NEGR1: variants seen among roughly 807,000 people sequenced by gnomAD.
The protein encoded by NEGR1 is IgLON family member 4.
In NEGR1, 10 loss-of-function variants were observed where a neutral mutation model predicts 40.9. The ratio of observed to expected loss-of-function variants is 0.24; its 90% CI spans 0.15 to 0.42. The LOEUF is 0.42. NEGR1 is among the 10% of genes least tolerant of loss of function. The probability of loss-of-function intolerance (pLI) is 1.00; values close to 1 mark genes in which losing one functional copy is unlikely to be tolerated. For missense variants in NEGR1, 352 were observed against 438.9 expected, an observed-to-expected ratio of 0.80 and a Z score of 1.77; for synonymous variants, 185 against 166.8, an observed-to-expected ratio of 1.11 and a Z score of -0.84.
chr1:71,812,969 G>A (rs575694066), intron 2 of NEGR1, among the ~76,000 whole-genome samples: 7 of 152,048 alleles, frequency 4.6e-5, no homozygotes, highest in African/African-American at 1.2e-4. Context: ...TGCTTTTGTC[G>A]CAATTGCTTT....
At chr1:72,274,907 A>G (rs1655985235) in intron 1 of NEGR1, 3 of 1,591,152 alleles carry the variant, frequency 1.9e-6, no homozygotes, top group Non-Finnish European at 2.6e-6. Flanking sequence ...AACCAAGTCA[A>G]TCGAAAGTCA....
chr1:71,708,702 CA>C (rs1653983275), intron 3 of NEGR1, among the ~76,000 whole-genome samples: 1 of 152,020 alleles, frequency 6.6e-6, no homozygotes, highest in South Asian at 2.1e-4. Flanking sequence ...ATCCCATCAC[CA>C]CATATTAAGC....
At chr1:72,222,080 C>T (rs545376389) in intron 1 of NEGR1, among the ~76,000 whole-genome samples, 1 of 151,990 alleles carries the variant, frequency 6.6e-6, no homozygotes, top group Non-Finnish European at 1.5e-5. Flanking sequence ...ACAGGCTGGC[C>T]CCTGTAGACA....
chr1:71,829,464 A>G (rs1293585001), intron 2 of NEGR1, among the ~76,000 whole-genome samples: 1 of 151,982 alleles, frequency 6.6e-6, no homozygotes, highest in Middle Eastern at 3.4e-3. Flanking sequence ...GTTCTGATAT[A>G]TAATCAGAGC....
chr1:71,785,713 G>C (rs188569709), intron 2 of NEGR1, among the ~76,000 whole-genome samples: 362 of 152,272 alleles, frequency 2.4e-3, no homozygotes, highest in African/African-American at 8.3e-3. Context: ...AAACAGCCCA[G>C]CTGTGTCAAA....
At chr1:71,505,754 C>T (rs1221810108) in intron 6 of NEGR1, among the ~76,000 whole-genome samples, 2 of 152,180 alleles carry the variant, frequency 1.3e-5, no homozygotes, top group African/African-American at 4.8e-5. Flanking sequence ...GACTGTGCTG[C>T]CACAAGGTTT....
At chr1:71,788,849 C>G (rs1657006484) in intron 2 of NEGR1, among the ~76,000 whole-genome samples, 1 of 151,968 alleles carries the variant, frequency 6.6e-6, no homozygotes, top group African/African-American at 2.4e-5. Context: ...TTGCTATGCA[C>G]TAGGGACTGA....
chr1:71,466,403 A>G (rs1174029236), intron 6 of NEGR1, among the ~76,000 whole-genome samples: 1 of 152,066 alleles, frequency 6.6e-6, no homozygotes, highest in Non-Finnish European at 1.5e-5. Flanking sequence ...AACACTCCCA[A>G]ATCCCTGACC....
At chr1:71,512,971 A>T (rs2101418687) in intron 6 of NEGR1, among the ~76,000 whole-genome samples, 1 of 152,302 alleles carries the variant, frequency 6.6e-6, no homozygotes, top group African/African-American at 2.4e-5. Context: ...TTATCAAGAA[A>T]CTAACAGTTT....
chr1:71,680,182 G>A (rs1365755021), intron 4 of NEGR1, among the ~76,000 whole-genome samples: 2 of 151,870 alleles, frequency 1.3e-5, no homozygotes, highest in African/African-American at 4.8e-5. Context: ...TTCTTGAAGA[G>A]TTTGTGTAAA....
intron 4 of NEGR1, among the ~76,000 whole-genome samples, chr1:71,631,979 C>G (rs1650984652): frequency 6.6e-6 from 1 of 151,624 alleles, no homozygotes; most frequent in South Asian, 2.1e-4. Flanking sequence ...ACTGTAATTC[C>G]TGCCTCTGTA....
intron 5 of NEGR1, among the ~76,000 whole-genome samples, chr1:71,601,771 T>A (rs183624249): frequency 6.6e-6 from 1 of 151,958 alleles, no homozygotes; most frequent in South Asian, 2.1e-4. Flanking sequence ...CACATGGACA[T>A]AAAAATGGAA....
intron 1 of NEGR1, among the ~76,000 whole-genome samples, chr1:72,225,577 G>GAA (rs1380916658): frequency 1.3e-5 from 2 of 151,092 alleles, no homozygotes; most frequent in African/African-American, 4.8e-5. Context: ...CTAATACTAA[G>GAA]AAAAATATAT....
intron 3 of NEGR1, among the ~76,000 whole-genome samples, chr1:71,703,007 T>A (rs931434222): frequency 2.6e-5 from 4 of 151,974 alleles, no homozygotes; most frequent in African/African-American, 9.7e-5. Context: ...GCTACAGAAA[T>A]CTACATGTGT....
intron 1 of NEGR1, among the ~76,000 whole-genome samples, chr1:71,937,500 A>G (rs548174197): frequency 1.3e-5 from 2 of 152,174 alleles, no homozygotes; most frequent in Middle Eastern, 6.8e-3. Flanking sequence ...GTTCATAACA[A>G]CTCTTTCAGG....
chr1:72,257,916 A>G (rs1253241166), intron 1 of NEGR1, among the ~76,000 whole-genome samples: 3 of 152,222 alleles, frequency 2.0e-5, no homozygotes, highest in Non-Finnish European at 4.4e-5. Flanking sequence ...AAATGCATCT[A>G]AACTTCTCTA....
intron 2 of NEGR1, among the ~76,000 whole-genome samples, chr1:71,798,465 A>G (rs1167230995): frequency 2.0e-5 from 3 of 152,244 alleles, no homozygotes; most frequent in Non-Finnish European, 2.9e-5. Flanking sequence ...ATAAAAGAAC[A>G]GGATAAATAA....
chr1:71,934,678 G>C (rs1462960127), intron 2 of NEGR1, among the ~76,000 whole-genome samples: 1 of 152,128 alleles, frequency 6.6e-6, no homozygotes, highest in African/African-American at 2.4e-5. Context: ...ATGAATCAAA[G>C]GAAGATATGA....
intron 1 of NEGR1, among the ~76,000 whole-genome samples, chr1:71,941,304 G>T (rs907208970): frequency 6.6e-5 from 10 of 151,834 alleles, no homozygotes; most frequent in African/African-American, 2.4e-4. Flanking sequence ...ATATGGAAGA[G>T]AACAGAAATT....
Sources: gnomAD v4.1 joint callset for allele counts (sites outside exome capture counted in the v4.1 genomes callset) on GRCh38, gnomAD v4.1.1 for gene constraint, MANE v1.5 for transcripts, NCBI Gene and HGNC (gene_info 2026-07-23, HGNC 2026-07-21) for gene names.